The following ALK variants were observed in gnomAD, a reference collection of about 807,000 sequenced individuals.
ALK encodes the protein ALK tyrosine kinase receptor.
ALK carries 74 observed loss-of-function variants against 163.1 expected under a neutral mutation model. The ratio of observed to expected loss-of-function variants is 0.45; its 90% CI spans 0.38 to 0.55. ALK has a LOEUF of 0.55. ALK is among the 20% of genes least tolerant of loss of function. ALK has a pLI of 0.00. For missense variants in ALK, 2,063 were observed against 2,105.3 expected (o/e 0.98, Z 0.39); for synonymous variants, 960 against 843.2 (o/e 1.14, Z -2.40).
chr2:29,456,194 A>G (rs1573370151), intron 4 of ALK, among the ~76,000 whole-genome samples: 1 of 152,144 alleles, frequency 6.6e-6, no homozygotes, highest in East Asian at 1.9e-4. Flanking sequence ...GAATTGTCGT[A>G]TGCTCCAGCA....
At chr2:29,593,689 T>G (rs1215058452) in intron 3 of ALK, among the ~76,000 whole-genome samples, 1 of 152,250 alleles carries the variant, frequency 6.6e-6, no homozygotes. Flanking sequence ...CATTTAGGGA[T>G]GTGATGAACA....
intron 1 of ALK, among the ~76,000 whole-genome samples, chr2:29,812,038 T>A (rs1459343318): frequency 6.6e-6 from 1 of 152,178 alleles, no homozygotes; most frequent in African/African-American, 2.4e-5. Flanking sequence ...TAATTCAGGT[T>A]CTTCATGCCT....
In ALK at chr2:29,239,149, G is replaced by A. The variant is rs537524512; in HGVS notation, c.2355+531C>T. On this transcript the variant is annotated intron_variant, in intron 13 of 28. Coordinates refer to ENST00000389048, the MANE Select transcript of ALK (RefSeq NM_004304.5). ...ACTCCTGTCGTTTCACCTTAACCCC[G>A]AAGGAGCAGAAGGGAAAAACTGAAC... is the stretch of plus-strand genomic sequence containing the variant. 7.6e-4 allele frequency among the ~76,000 whole-genome samples: 115 copies of A among 152,210 alleles called. 1 individual carries two copies. Among genetic ancestry groups the A allele is most frequent in the African/African-American group, 2.5e-3 (105 of 41,538 alleles).
At chr2:29,688,458 T>A (rs944641040) in intron 3 of ALK, among the ~76,000 whole-genome samples, 1 of 152,212 alleles carries the variant, frequency 6.6e-6, no homozygotes, top group African/African-American at 2.4e-5. Flanking sequence ...GTGCATATAA[T>A]TGATGAATAT....
intron 9 of ALK, among the ~76,000 whole-genome samples, chr2:29,289,479 A>C (rs929561124): frequency 2.0e-5 from 3 of 152,176 alleles, no homozygotes; most frequent in Non-Finnish European, 4.4e-5. Context: ...GCCTAATGCC[A>C]ATAAGCATGT....
intron 1 of ALK, among the ~76,000 whole-genome samples, chr2:29,724,549 G>A (rs893307839): frequency 2.6e-5 from 4 of 152,174 alleles, no homozygotes; most frequent in African/African-American, 9.7e-5. Context: ...AGAGTTAGCG[G>A]TGATGGGCGA....
At chr2:29,394,255 T>C (rs1358473445) in intron 4 of ALK, among the ~76,000 whole-genome samples, 3 of 150,402 alleles carry the variant, frequency 2.0e-5, no homozygotes, top group African/African-American at 7.4e-5. Context: ...AAAAAATATA[T>C]AGAAGATGCA....
chr2:29,470,558 C>T (rs536547033), intron 4 of ALK, among the ~76,000 whole-genome samples: 81 of 152,158 alleles, frequency 5.3e-4, no homozygotes, highest in African/African-American at 1.7e-3. Context: ...CAAGGAAGGC[C>T]GAAAGAGAAC....
At chr2:29,833,695 G>C (rs1665482827) in intron 1 of ALK, among the ~76,000 whole-genome samples, 1 of 152,132 alleles carries the variant, frequency 6.6e-6, no homozygotes, top group Non-Finnish European at 1.5e-5. Flanking sequence ...AGAAAACTGA[G>C]GCTCACAGAT....
At chr2:29,344,622 G>T (rs1053408153) in intron 5 of ALK, among the ~76,000 whole-genome samples, 38 of 152,364 alleles carry the variant, frequency 2.5e-4, no homozygotes, top group African/African-American at 8.9e-4. Context: ...TCCAATGCAT[G>T]ACCTGTCAAT....
chr2:29,526,786 T>G (rs1672970484), intron 4 of ALK, among the ~76,000 whole-genome samples: 1 of 152,262 alleles, frequency 6.6e-6, no homozygotes, highest in African/African-American at 2.4e-5. Context: ...TGCACTGGGC[T>G]GACTGAAGTT....
intron 1 of ALK, among the ~76,000 whole-genome samples, chr2:29,782,127 ATGT>A (rs1417925897): frequency 5.9e-5 from 9 of 152,170 alleles, no homozygotes; most frequent in Non-Finnish European, 8.8e-5. Context: ...AAACACAAAA[ATGT>A]TGTTTAATTC....
chr2:29,457,760 A>C (rs1373877148), intron 4 of ALK, among the ~76,000 whole-genome samples: 1 of 152,160 alleles, frequency 6.6e-6, no homozygotes, highest in African/African-American at 2.4e-5. Flanking sequence ...GGTGTTTTAC[A>C]TACATTATTT....
At chr2:29,581,387 C>CAAATA (rs59760217) in intron 3 of ALK, among the ~76,000 whole-genome samples, 18,239 of 151,748 alleles carry the variant, frequency 0.12, 1,438 homozygotes, top group Non-Finnish European at 0.18. Context: ...GGATCCATCT[C>CAAATA]AAATAAAATA....
At chr2:29,578,785 C>A (rs181394032) in intron 3 of ALK, among the ~76,000 whole-genome samples, 211 of 152,268 alleles carry the variant, frequency 1.4e-3, no homozygotes, top group Middle Eastern at 6.8e-3. Context: ...GTCTAAGGGC[C>A]AGAGCAGTGA....
At chr2:29,842,307 C>G (rs1370630759) in intron 1 of ALK, among the ~76,000 whole-genome samples, 1 of 152,158 alleles carries the variant, frequency 6.6e-6, no homozygotes, top group Non-Finnish European at 1.5e-5. Flanking sequence ...TGAGTGACTT[C>G]AAGTAACAAG....
In ALK at chr2:29,227,559, T is replaced by C. The variant is rs757729304; in HGVS notation, c.2914+15A>G. The C allele has an allele frequency of 1.9e-6, 3 of 1,607,108 alleles. No individual in the cohort carries two copies. The East Asian group carries it at 6.7e-5, about 36-fold the overall frequency. On this transcript the variant is annotated intron_variant, in intron 17 of 28. Transcript: ENST00000389048. This position sits in a 1 kb window ranked among gnomAD's most constrained non-coding sequence, Gnocchi z 4.4. ...ACCTAAGCAAGTTTGTTCTGCTGCC[T>C]GGCAGAGAAGCTACCTTTTAAAGCT...
At chr2:29,637,842 G>A (rs543980625) in intron 3 of ALK, among the ~76,000 whole-genome samples, 11 of 152,080 alleles carry the variant, frequency 7.2e-5, no homozygotes, top group African/African-American at 2.2e-4. Flanking sequence ...TGTGTAAAAA[G>A]GGAAATGAAA....
chr2:29,480,490 G>T (rs760745274), intron 4 of ALK, among the ~76,000 whole-genome samples: 6 of 152,142 alleles, frequency 3.9e-5, no homozygotes, highest in Non-Finnish European at 8.8e-5. Context: ...TTCAGAGTTT[G>T]CTGAGTTAAA....
Sources: allele counts gnomAD v4.1 joint callset (sites outside exome capture counted in the v4.1 genomes callset), GRCh38; gene constraint gnomAD v4.1.1; non-coding constraint Gnocchi (gnomAD v3.1); transcripts MANE v1.5; gene names NCBI Gene and HGNC (gene_info 2026-07-23, HGNC 2026-07-21).